Variants in SYNCRIP observed in about 807,000 individuals in gnomAD.
SYNCRIP encodes the protein synaptotagmin binding cytoplasmic RNA interacting protein.
In SYNCRIP, 9 loss-of-function variants were observed where a neutral mutation model predicts 68.9. The ratio of observed to expected loss-of-function variants is 0.13; its 90% confidence interval spans 0.08 to 0.23. SYNCRIP has a LOEUF of 0.23. Ranked by LOEUF, SYNCRIP falls within the 10% of genes least tolerant of loss-of-function variation. The pLI is 1.00. For missense variants in SYNCRIP, 414 were observed against 770.6 expected, an observed-to-expected ratio of 0.54 and a Z score of 5.48; for synonymous variants, 258 against 254.0, an observed-to-expected ratio of 1.02 and a Z score of -0.15.
chr6:85,628,390 T>C (rs1416123383), intron 6 of SYNCRIP, among the ~76,000 whole-genome samples: 1 of 152,194 alleles, frequency 6.6e-6, no homozygotes, highest in Non-Finnish European at 1.5e-5. Flanking sequence ...TTCTTTACAA[T>C]AAGCCAAAAT....
intron 6 of SYNCRIP, among the ~76,000 whole-genome samples, chr6:85,626,092 G>C (rs1357297934): frequency 6.6e-6 from 1 of 152,212 alleles, no homozygotes; most frequent in Non-Finnish European, 1.5e-5. Context: ...TAGCATTCAT[G>C]TCTTTCTCTT....
intron 6 of SYNCRIP, among the ~76,000 whole-genome samples, chr6:85,629,771 G>C (rs1221225726): frequency 6.6e-6 from 1 of 152,016 alleles, no homozygotes; most frequent in South Asian, 2.1e-4. Context: ...GCAGTGAGCC[G>C]AGATCATGCC....
chr6:85,642,167 T>C (rs1164617925), intron 1 of SYNCRIP, among the ~76,000 whole-genome samples: 1 of 152,070 alleles, frequency 6.6e-6, no homozygotes, highest in African/African-American at 2.4e-5. Context: ...ATCTCTCCCC[T>C]GAACACCGAG....
chr6:85,612,472 C>A (rs572604585), downstream of SYNCRIP: 1 of 158,702 alleles, frequency 6.3e-6, no homozygotes, highest in African/African-American at 2.4e-5. Context: ...TTCATCTATA[C>A]CACTGCAATA....
intron 6 of SYNCRIP, among the ~76,000 whole-genome samples, chr6:85,632,714 G>GT (rs1807943227): frequency 6.6e-6 from 1 of 152,186 alleles, no homozygotes; most frequent in African/African-American, 2.4e-5. Context: ...AGCCAAGGCA[G>GT]TAAGACTGCT....
chr6:85,636,271 C>G (rs996880980), intron 6 of SYNCRIP, among the ~76,000 whole-genome samples: 5 of 151,954 alleles, frequency 3.3e-5, no homozygotes, highest in East Asian at 3.9e-4. Flanking sequence ...ATGGCGAAAC[C>G]CCATCTCTAC....
rs556232492 is a variant in SYNCRIP, at chr6:85,619,842, A to C, written c.1009-425T>G. Among the ~76,000 whole-genome samples, 9 of 152,286 alleles carry C rather than the reference A, an allele frequency of 5.9e-5. No individual in the cohort carries two copies. The East Asian group carries it at 1.7e-3, about 29-fold the overall frequency. ...AGTTTGGCGATTTCTTACAAAACTAAACACACACTTCCATATGACCCAGCA... is the reference window on the plus strand; with the variant it reads ...AGTTTGGCGATTTCTTACAAAACTACACACACACTTCCATATGACCCAGCA... On this transcript the variant is annotated intron_variant, in intron 8 of 10. Transcript: ENST00000369622.
chr6:85,615,786 G>A (rs1049871118), intron 10 of SYNCRIP, among the ~76,000 whole-genome samples: 2 of 152,098 alleles, frequency 1.3e-5, no homozygotes, highest in South Asian at 4.1e-4. Flanking sequence ...CTCCAGCCTG[G>A]GTGACAGAGC....
intron 8 of SYNCRIP, among the ~76,000 whole-genome samples, chr6:85,619,967 C>T (rs1806202891): frequency 6.6e-6 from 1 of 152,154 alleles, no homozygotes; most frequent in Admixed American, 6.5e-5. Context: ...CAAAAATTTG[C>T]CAGACGCAGT....
intron 4 of SYNCRIP, among the ~76,000 whole-genome samples, chr6:85,638,044 C>T (rs946752500): frequency 3.9e-5 from 6 of 152,066 alleles, no homozygotes; most frequent in Non-Finnish European, 7.4e-5. Context: ...TTACTCAGAG[C>T]ATTAGGTGTT....
rs1291809462 is a variant in SYNCRIP at position 85,614,835 on chromosome 6, C to T, written c.1793G>A (p.Gly598Asp). Reference sequence around the variant, plus strand: ...GTAACCATAGTTACCAGAATGATCACCACCTTGGAGCGGTTGCTGAGCAAT... The same window carrying T: ...GTAACCATAGTTACCAGAATGATCATCACCTTGGAGCGGTTGCTGAGCAAT... ...QPIAQQPLQG[G>D]DHSGNYGYKS... Residue 598 changes from glycine to aspartate, a missense_variant, in exon 11 of 11, where the codon GGT becomes GAT. By Grantham distance (94) the Gly-to-Asp change is moderately conservative. This residue lies in a region of SYNCRIP where 130 missense variants were observed against 149.0 expected (regional missense o/e 0.87). Coordinates refer to ENST00000369622, the MANE Select transcript of SYNCRIP (RefSeq NM_006372.5). The T allele has an allele frequency of 6.2e-7, 1 of 1,613,968 alleles. No individual in the cohort carries two copies. Among genetic ancestry groups the T allele is most frequent in the Non-Finnish European group, 8.5e-7 (1 of 1,179,978 alleles).
At chr6:85,638,295 G>A (rs142850499) in intron 4 of SYNCRIP, among the ~76,000 whole-genome samples, 117 of 141,698 alleles carry the variant, frequency 8.3e-4, no homozygotes, top group African/African-American at 3.0e-3. Context: ...CTGCTTAAAC[G>A]CTTAAACCTG....
intron 6 of SYNCRIP, among the ~76,000 whole-genome samples, chr6:85,628,993 C>T (rs752014073): frequency 5.6e-4 from 83 of 149,464 alleles, no homozygotes; most frequent in Non-Finnish European, 9.6e-4. Flanking sequence ...TCTATTGCTG[C>T]CACCCTCCTC....
At chr6:85,619,925 G>C (rs1366136741) in intron 8 of SYNCRIP, among the ~76,000 whole-genome samples, 1 of 152,184 alleles carries the variant, frequency 6.6e-6, no homozygotes, top group Non-Finnish European at 1.5e-5. Flanking sequence ...AACTTAGAGA[G>C]AGATGTTAAT....
chr6:85,642,908 C>G (rs1181704875), upstream of SYNCRIP: 1 of 152,628 alleles, frequency 6.6e-6, no homozygotes, highest in African/African-American at 2.4e-5. Context: ...AAAATGGCGG[C>G]CGAAGCTCAC....
At position 85,614,796 on chromosome 6, in the gene SYNCRIP, T is replaced by C; in HGVS notation, c.1832A>G (p.Gln611Arg). Residue 611 changes from glutamine (Q) to arginine (R), a missense_variant, in exon 11 of 11, where the codon CAG (glutamine) becomes CGG (arginine). Transcript: ENST00000369622. ...SGNYGYKSEN[Q>R]EFYQDTFGQQ... ...CCCAAAAGTATCCTGATAAAACTCC[T>C]GGTTTTCAGATTTGTAACCATAGTT... The C allele has an allele frequency of 6.2e-7, 1 of 1,610,886 alleles. No homozygotes were observed. Among genetic ancestry groups the C allele is most frequent in the Non-Finnish European group, 8.5e-7 (1 of 1,178,976 alleles).
chr6:85,627,025 G>A (rs1475428960), intron 6 of SYNCRIP, among the ~76,000 whole-genome samples: 1 of 152,114 alleles, frequency 6.6e-6, no homozygotes, highest in Non-Finnish European at 1.5e-5. Flanking sequence ...TAGCATTTTG[G>A]GAGGCTGAGG....
At chr6:85,611,603 C>A (rs1243883731), downstream of SYNCRIP, 2 of 152,374 alleles carry the variant, frequency 1.3e-5, no homozygotes, top group Non-Finnish European at 2.9e-5. Flanking sequence ...CAACTTAGGA[C>A]TTGGCAAAAA....
chr6:85,630,926 T>C (rs967555069), intron 6 of SYNCRIP, among the ~76,000 whole-genome samples: 1 of 152,204 alleles, frequency 6.6e-6, no homozygotes, highest in Non-Finnish European at 1.5e-5. Flanking sequence ...AATACTGTCA[T>C]GGGGGCAACT....
Sources: allele counts gnomAD v4.1 joint callset (sites outside exome capture counted in the v4.1 genomes callset), GRCh38; gene constraint gnomAD v4.1.1; regional missense constraint gnomAD v4.1.1; transcripts MANE v1.5; gene names NCBI Gene and HGNC (gene_info 2026-07-23, HGNC 2026-07-21).